The following MCCC2 variants were observed in gnomAD, a reference collection of about 807,000 sequenced individuals.
MCCC2 encodes the protein methylcrotonoyl-CoA carboxylase beta chain, mitochondrial.
A neutral mutation model predicts 77.2 loss-of-function variants in MCCC2; 52 were observed. The ratio of observed to expected loss-of-function variants is 0.67; its 90% CI spans 0.54 to 0.85. The LOEUF is 0.85. MCCC2 is among the 40% of genes least tolerant of loss of function. The probability of loss-of-function intolerance (pLI) is 0.00; values close to 1 mark genes in which losing one functional copy is unlikely to be tolerated. For missense variants in MCCC2, 682 were observed against 703.2 expected (o/e 0.97, Z 0.34); for synonymous variants, 253 against 248.4 (o/e 1.02, Z -0.18).
chr5:71,614,522 C>T (rs1446949173), intron 6 of MCCC2, among the ~76,000 whole-genome samples: 2 of 150,696 alleles, frequency 1.3e-5, no homozygotes, highest in Non-Finnish European at 2.9e-5. Context: ...TGCTCTTGTC[C>T]CCAGGCTGGA....
chr5:71,610,695 A>G (rs1188487134), intron 6 of MCCC2, among the ~76,000 whole-genome samples: 3 of 152,162 alleles, frequency 2.0e-5, no homozygotes, highest in African/African-American at 4.8e-5. Flanking sequence ...GATTATTAAA[A>G]CAGGTTTTAG....
intron 10 of MCCC2, 125 bp downstream of exon 10, chr5:71,635,371 G>A (rs1262698105): frequency 3.5e-6 from 3 of 847,060 alleles, no homozygotes; most frequent in Non-Finnish European, 6.0e-6. Flanking sequence ...ATCTCAGTAA[G>A]GAGTGACATA....
intron 7 of MCCC2, 30 bp downstream of exon 7, chr5:71,626,783 A>C: frequency 6.3e-7 from 1 of 1,580,066 alleles, no homozygotes; most frequent in Non-Finnish European, 8.7e-7. Flanking sequence ...GGTCGATGGA[A>C]ATTAAGTATG....
chr5:71,634,025 AG>A (rs2112434547), intron 8 of MCCC2, among the ~76,000 whole-genome samples: 1 of 152,250 alleles, frequency 6.6e-6, no homozygotes, highest in South Asian at 2.1e-4. Flanking sequence ...AATCACTGAG[AG>A]CCTAGCTCTA....
intron 15 of MCCC2, 38 bp downstream of exon 15, chr5:71,650,221 C>G (rs528831563): frequency 3.8e-6 from 6 of 1,583,904 alleles, no homozygotes; most frequent in African/African-American, 1.3e-5. Flanking sequence ...CTGGTTTTGC[C>G]TCTCACCATA....
chr5:71,649,116 G>T lies in MCCC2; in HGVS notation c.1236G>T (p.Glu412Asp), dbSNP rs773772812. The T allele has an allele frequency of 1.1e-5, 17 of 1,614,130 alleles. No homozygotes were observed. The African/African-American group carries it at 2.3e-4, about 22-fold the overall frequency. Residue 412 changes from glutamate to aspartate, a missense_variant, in exon 14 of 17, where the codon GAG becomes GAT. Transcript: ENST00000340941. ...QNITGFMVGR[E>D]YEAEGIAKDG... ...TCTCAGGATTTATGGTTGGTAGAGA[G>T]TATGAAGCTGAAGGAATTGCCAAGG...
At chr5:71,626,612 A>G (rs1235522954) in intron 6 of MCCC2, 28 bp from the exon 7 acceptor site, 24 of 1,554,640 alleles carry the variant, frequency 1.5e-5, no homozygotes, top group Admixed American at 5.0e-5. Flanking sequence ...GCTGCATCTC[A>G]TGTGTTTGTC....
chr5:71,637,543 C>T (rs1746972532), intron 10 of MCCC2, among the ~76,000 whole-genome samples: 1 of 152,184 alleles, frequency 6.6e-6, no homozygotes, highest in African/African-American at 2.4e-5. Flanking sequence ...GGTGGAGGGT[C>T]TTGCCTTGAT....
At chr5:71,640,874 A>AT in intron 10 of MCCC2, 129 bp from the exon 11 acceptor site, 2 of 785,148 alleles carry the variant, frequency 2.5e-6, no homozygotes, top group Non-Finnish European at 4.4e-6. Flanking sequence ...TTCTAGTGAG[A>AT]TTTTCTGTGT....
Position 71,634,564 on chromosome 5 carries a change from C to T in MCCC2, c.804-379C>T, listed in dbSNP as rs538533220. Reference sequence around the variant, plus strand: ...TGCCGTCTGTGGTTGGCCTTCATCACACGCAATTCTGCTTACGGTACAGGG... The same window carrying T: ...TGCCGTCTGTGGTTGGCCTTCATCATACGCAATTCTGCTTACGGTACAGGG... On this transcript the variant is annotated intron_variant, in intron 8 of 16. Coordinates refer to ENST00000340941, the MANE Select transcript of MCCC2 (RefSeq NM_022132.5). Among the ~76,000 whole-genome samples the T allele has an allele frequency of 2.0e-5, 3 of 152,304 alleles. No individual in the cohort carries two copies. In the East Asian group the frequency reaches 5.8e-4, roughly 29 times the overall value.
intron 6 of MCCC2, among the ~76,000 whole-genome samples, chr5:71,615,660 C>T (rs1170914769): frequency 1.3e-5 from 2 of 152,054 alleles, no homozygotes; most frequent in Admixed American, 1.3e-4. Context: ...CTCCTAAAAT[C>T]CTCATAAGTT....
At chr5:71,651,166 A>G (rs1192005292) in intron 15 of MCCC2, among the ~76,000 whole-genome samples, 1 of 152,230 alleles carries the variant, frequency 6.6e-6, no homozygotes, top group Non-Finnish European at 1.5e-5. Context: ...GATTTAAATA[A>G]GTCTGATGTA....
chr5:71,635,452 G>A lies in MCCC2; in HGVS notation c.999+206G>A, dbSNP rs771300736. On this transcript the variant is annotated intron_variant, in intron 10 of 16. Coordinates refer to ENST00000340941, the MANE Select transcript of MCCC2 (RefSeq NM_022132.5). ...GTAAATACTGAAAGAGGGGAGTGGG[G>A]GACCTCAATGATTGGAAAGTTTTCA... is the stretch of plus-strand genomic sequence containing the variant. 1.4e-4 allele frequency: 88 copies of A among 640,016 alleles called. 2 individuals carry two copies. The highest frequency in any genetic ancestry group is 4.4e-5 in the Admixed American group (2 of 45,268). 39.6% of individuals were successfully genotyped at this position (640,016 alleles called of 1,614,324 possible).
intron 6 of MCCC2, among the ~76,000 whole-genome samples, chr5:71,609,877 CTCGGGGG>C (rs1745849713): frequency 6.6e-6 from 1 of 151,998 alleles, no homozygotes; most frequent in Admixed American, 6.6e-5. Flanking sequence ...AGTTAGGCTG[CTCGGGGG>C]TCAGGGGTCA....
intron 3 of MCCC2, among the ~76,000 whole-genome samples, chr5:71,599,082 T>C (rs1167180404): frequency 6.6e-6 from 1 of 152,020 alleles, no homozygotes; most frequent in East Asian, 2.0e-4. Context: ...AGAGATGGGG[T>C]CTTGGCTGGG....
rs775783272 is a variant in MCCC2, at chr5:71,635,240, C to G, written c.993C>G (p.Val331=). Residue 331 remains valine (V), a synonymous_variant, in exon 10 of 17, where the codon GTC becomes GTG. Transcript: ENST00000340941. ...CTAACCTTAAGAGGAGCTTTGATGT[C>G]CGAGAGGTATGTGAAAGTGGAACTG... The part of the protein sequence containing the change: ...VGANLKRSFD[V]REVIARIVDG... 1 of 1,613,856 alleles carries G rather than the reference C, an allele frequency of 6.2e-7. No homozygotes were observed. The highest frequency in any genetic ancestry group is 1.1e-5 in the South Asian group (1 of 91,058).
At chr5:71,643,060 C>T (rs1412026220) in intron 11 of MCCC2, among the ~76,000 whole-genome samples, 1 of 150,130 alleles carries the variant, frequency 6.7e-6, no homozygotes, top group Non-Finnish European at 1.5e-5. Context: ...CAGACAAAGC[C>T]AGAGTAAAGA....
intron 14 of MCCC2, among the ~76,000 whole-genome samples, chr5:71,649,539 G>A (rs1161977313): frequency 6.6e-6 from 1 of 152,218 alleles, no homozygotes; most frequent in East Asian, 1.9e-4. Flanking sequence ...AGAAAGGTAT[G>A]TAGCCTTAAA....
chr5:71,610,804 G>A (rs1458200324), intron 6 of MCCC2, among the ~76,000 whole-genome samples: 1 of 151,590 alleles, frequency 6.6e-6, no homozygotes, highest in East Asian at 2.0e-4. Context: ...GGCTAACGCG[G>A]TGAAACCCCG....
Sources: allele counts gnomAD v4.1 joint callset (sites outside exome capture counted in the v4.1 genomes callset), GRCh38; gene constraint gnomAD v4.1.1; transcripts MANE v1.5; gene names NCBI Gene and HGNC (gene_info 2026-07-23, HGNC 2026-07-21).